The following TPM4 variants were observed in gnomAD, a reference collection of about 807,000 sequenced individuals.
The protein encoded by TPM4 is tropomyosin alpha-4 chain.
In TPM4, 17 loss-of-function variants were observed where a neutral mutation model predicts 35.8. The observed-to-expected ratio is 0.47, with a 90% CI of 0.32 to 0.71. The LOEUF (loss-of-function observed/expected upper bound fraction) is 0.71. TPM4 is among the 30% of genes least tolerant of loss of function. TPM4 has a pLI of 0.03. For missense variants in TPM4, 240 were observed against 320.9 expected, an observed-to-expected ratio of 0.75 and a Z score of 1.93; for synonymous variants, 120 against 122.9, an observed-to-expected ratio of 0.98 and a Z score of 0.15.
chr19:16,077,886 C>G lies in TPM4; in HGVS notation c.132+1189C>G, dbSNP rs1599364484. 1.3e-5 allele frequency: 4 copies of G among 308,826 alleles called. No individual in the cohort carries two copies. In the South Asian group the frequency reaches 4.8e-4, roughly 37 times the overall value. 19.1% of individuals were successfully genotyped at this position (308,826 alleles called of 1,614,324 possible). On this transcript the variant is annotated intron_variant, in intron 1 of 7. Transcript: ENST00000643579. ...AAGAGATTCTCCTGCTTCAGCCTCC[C>G]GAGTAGCTGGGATTACAGGTGCCCG... is the stretch of plus-strand genomic sequence containing the variant.
chr19:16,088,150 G>A (rs936207738), intron 4 of TPM4, 53 bp downstream of exon 4: 2 of 1,576,118 alleles, frequency 1.3e-6, no homozygotes, highest in African/African-American at 2.7e-5. Context: ...GGGGCGGAGT[G>A]GGAAGGAGCT....
At chr19:16,087,885 C>CAA in intron 3 of TPM4, 142 bp from the exon 4 acceptor site, 1 of 849,798 alleles carries the variant, frequency 1.2e-6, no homozygotes, top group South Asian at 1.5e-5. Flanking sequence ...CGTCCCCCTG[C>CAA]AAAAAAAAGA....
At chr19:16,096,953 T>C (rs1380324573) in intron 7 of TPM4, among the ~76,000 whole-genome samples, 1 of 119,174 alleles carries the variant, frequency 8.4e-6, no homozygotes, top group African/African-American at 4.1e-5. Context: ...TTTTTTTTTT[T>C]TTTTTTTTTT....
At position 16,098,097 on chromosome 19, in the gene TPM4, G is replaced by C. The variant is rs548337357; in HGVS notation, c.665-3167G>C. On this transcript the variant is annotated intron_variant, in intron 7 of 7. Coordinates refer to ENST00000643579, the MANE Select transcript of TPM4 (RefSeq NM_003290.3). ...CTCCACCCTTTGAAGTAACTATGCA[G>C]CCTGTCTATCCAGTTATTCTACCTA... Among the ~76,000 whole-genome samples the C allele has an allele frequency of 3.3e-5, 5 of 152,286 alleles. No individual in the cohort carries two copies. In the South Asian group the frequency reaches 1.0e-3, roughly 32 times the overall value.
chr19:16,067,661 T>G lies in TPM4; in HGVS notation c.37T>G (p.Leu13Val). ...CAAGAAGAAAATGCAGATGCTGAAG[T>G]TGGACAAGGAGAATGCCATCGACCG... Residue 13 changes from leucine to valine, a missense_variant, in exon 2 of 3, where the codon TTG becomes GTG. Leu to Val is a conservative substitution (Grantham distance 32). Coordinates refer to the TPM4 transcript ENST00000589897. The surrounding 1 kb of genome is among the most constrained non-coding windows in gnomAD (Gnocchi z 4.1). 5.0e-6 allele frequency: 8 copies of G among 1,613,492 alleles called. No homozygotes were observed. The highest frequency in any genetic ancestry group is 6.8e-6 in the Non-Finnish European group (8 of 1,179,784).
chr19:16,097,196 C>A (rs148479858), intron 7 of TPM4, among the ~76,000 whole-genome samples: 1 of 151,824 alleles, frequency 6.6e-6, no homozygotes, highest in Admixed American at 6.6e-5. Context: ...TCAACTGATC[C>A]GCCCACCTCA....
rs747603309 is a variant in TPM4, at chr19:16,076,523, C to G, written c.-43C>G. 173 of 1,400,436 alleles carry G rather than the reference C, an allele frequency of 1.2e-4. No individual in the cohort carries two copies. Among genetic ancestry groups the G allele is most frequent in the Non-Finnish European group, 1.6e-4 (169 of 1,081,582 alleles). The allele number at this position is 1,400,436 out of a possible 1,614,324, so 86.8% of individuals were successfully genotyped here. On this transcript the variant is annotated 5_prime_UTR_variant, in exon 1 of 8. Transcript: ENST00000643579. Reference sequence around the variant, plus strand: ...CAGCTCTCGCCGGAGCCGAGCCCAGCCGAGCGTCCGCCGCTGCCCGTGCGC... The same window carrying G: ...CAGCTCTCGCCGGAGCCGAGCCCAGGCGAGCGTCCGCCGCTGCCCGTGCGC...
Position 16,076,661 on chromosome 19 carries a change from G to C in TPM4, c.96G>C (p.Gln32His). 7.0e-7 allele frequency: 1 copy of C among 1,424,676 alleles called. No homozygotes were observed. The highest frequency in any genetic ancestry group is 9.1e-7 in the Non-Finnish European group (1 of 1,092,944). The allele number at this position is 1,424,676 out of a possible 1,614,324, so 88.3% of individuals were successfully genotyped here. A position where few individuals can be genotyped will look rare whatever the true frequency, so the allele number is the denominator to read the frequency against. ...CGGAAGACCGCGCGCAGGGCCTGCA[G>C]CGGGAGCTGGACGGCGAGCGCGAGC... ...DEAEDRAQGL[Q>H]RELDGERERR... Residue 32 changes from glutamine (Q) to histidine (H), a missense_variant, in exon 1 of 8, where the codon CAG (glutamine) becomes CAC (histidine). Coordinates refer to ENST00000643579, the MANE Select transcript of TPM4 (RefSeq NM_003290.3).
intron 2 of TPM4, among the ~76,000 whole-genome samples, chr19:16,069,308 AGTGTGTGTTTCTGATGGG>A (rs1169263629): frequency 1.7e-5 from 2 of 115,170 alleles, no homozygotes; most frequent in Non-Finnish European, 4.3e-5. Flanking sequence ...TGTATGGATG[AGTGTGTGTTTCTGATGGG>A]GTGTGTGTAT....
intron 1 of TPM4, among the ~76,000 whole-genome samples, chr19:16,079,291 T>G (rs1167175066): frequency 1.3e-5 from 2 of 152,152 alleles, no homozygotes; most frequent in African/African-American, 4.8e-5. Context: ...GGTACACAGT[T>G]TTTTGTTTGT....
At chr19:16,086,562 C>T (rs765633713) in intron 3 of TPM4, 22 bp downstream of exon 3, 19 of 1,591,200 alleles carry the variant, frequency 1.2e-5, no homozygotes, top group Non-Finnish European at 1.5e-5. Flanking sequence ...TGGCAGATGG[C>T]GCAGCAGCAG....
chr19:16,090,422 T>C (rs1010974458), intron 5 of TPM4, among the ~76,000 whole-genome samples: 1 of 150,274 alleles, frequency 6.7e-6, no homozygotes, highest in African/African-American at 2.5e-5. Flanking sequence ...CTGGCTAATT[T>C]TTCTAGTTTT....
chr19:16,081,997 G>A lies in TPM4; in HGVS notation c.217G>A (p.Ala73Thr). Residue 73 changes from alanine to threonine, a missense_variant, in exon 2 of 8, where the codon GCC (alanine) becomes ACC (threonine). Transcript: ENST00000643579. ...CAGGGCTCAGGAACGACTGGCCACG[G>A]CCCTGCAGAAGCTGGAGGAGGCAGA... ...LDRAQERLAT[A>T]LQKLEEAEKA... The A allele has an allele frequency of 6.2e-7, 1 of 1,610,872 alleles. No homozygotes were observed. The highest frequency in any genetic ancestry group is 8.5e-7 in the Non-Finnish European group (1 of 1,177,374).
chr19:16,097,325 A>AG (rs1351665164), intron 7 of TPM4, among the ~76,000 whole-genome samples: 1 of 150,224 alleles, frequency 6.7e-6, no homozygotes, highest in African/African-American at 2.5e-5. Context: ...CCCACGCTGG[A>AG]GTGCAGTGGC....
In TPM4 at chr19:16,093,561, A is replaced by C. The variant is rs2090654113; in HGVS notation, c.557A>C (p.Glu186Ala). The C allele has an allele frequency of 6.2e-7, 1 of 1,614,130 alleles. No individual in the cohort carries two copies. Among genetic ancestry groups the C allele is most frequent in the African/African-American group, 1.3e-5 (1 of 75,046 alleles). Residue 186 changes from glutamate to alanine, a missense_variant, in exon 6 of 8, where the codon GAA becomes GCA. Glu to Ala is a moderately radical substitution (Grantham distance 107). Transcript: ENST00000643579. ...TATTCTGAAAAGGAGGACAAATATG[A>C]AGAAGAAATTAAACTTCTGTCTGAC... ...EKYSEKEDKY[E>A]EEIKLLSDKL... is the part of the protein sequence containing the mutation.
At chr19:16,093,812 A>T in intron 7 of TPM4, 59 bp downstream of exon 7, 3 of 1,594,140 alleles carry the variant, frequency 1.9e-6, no homozygotes, top group Non-Finnish European at 2.6e-6. Context: ...GGACACATCC[A>T]CGGACAGTTG....
upstream of TPM4, chr19:16,075,960 T>C: frequency 4.6e-6 from 7 of 1,510,794 alleles, no homozygotes; most frequent in Non-Finnish European, 6.2e-6. Flanking sequence ...CGGAGGACTC[T>C]TGTGAATATT....
At chr19:16,094,191 T>C (rs796275772) in intron 7 of TPM4, among the ~76,000 whole-genome samples, 13 of 152,076 alleles carry the variant, frequency 8.5e-5, no homozygotes, top group African/African-American at 2.4e-4. Context: ...TGAGCAAGTA[T>C]AGAGAAAAGA....
intron 1 of TPM4, among the ~76,000 whole-genome samples, chr19:16,079,362 A>C (rs1462009033): frequency 6.6e-6 from 1 of 152,170 alleles, no homozygotes; most frequent in East Asian, 1.9e-4. Context: ...TTGGTTGCAG[A>C]GTGTTTTTGC....
Sources: allele counts gnomAD v4.1 joint callset (sites outside exome capture counted in the v4.1 genomes callset), GRCh38; gene constraint gnomAD v4.1.1; non-coding constraint Gnocchi (gnomAD v3.1); transcripts MANE v1.5; gene names NCBI Gene and HGNC (gene_info 2026-07-23, HGNC 2026-07-21).